Variants in ROBO1 observed in about 807,000 individuals in gnomAD.
ROBO1 encodes the protein roundabout homolog 1.
Under a neutral mutation model 195.9 loss-of-function variants are expected in ROBO1, and 149 were observed. The ratio of observed to expected loss-of-function variants is 0.76; its 90% CI spans 0.67 to 0.87. ROBO1 has a LOEUF of 0.87. Ranked by LOEUF, ROBO1 falls within the 40% of genes least tolerant of loss-of-function variation. The pLI, the probability that ROBO1 is intolerant of heterozygous loss-of-function variation, is 0.00. For missense variants in ROBO1, 1,933 were observed against 2,068.3 expected (o/e 0.93, Z 1.27); for synonymous variants, 816 against 733.2 (o/e 1.11, Z -1.82).
intron 2 of ROBO1, among the ~76,000 whole-genome samples, chr3:79,294,482 A>C (rs564831548): frequency 6.6e-6 from 1 of 152,354 alleles, no homozygotes; most frequent in Non-Finnish European, 1.5e-5. Context: ...GTAAGACCTA[A>C]AATCATAAAA....
intron 3 of ROBO1, among the ~76,000 whole-genome samples, chr3:79,114,407 T>C: frequency 6.6e-6 from 1 of 152,226 alleles, no homozygotes; most frequent in East Asian, 1.9e-4. Flanking sequence ...TTGCTTTCGC[T>C]TTGCAGATAT....
intron 2 of ROBO1, among the ~76,000 whole-genome samples, chr3:79,479,539 G>T (rs969638100): frequency 1.3e-5 from 2 of 152,090 alleles, no homozygotes; most frequent in Non-Finnish European, 2.9e-5. Flanking sequence ...TCTACAATAG[G>T]AGCGACGCAT....
chr3:79,336,253 C>T (rs1168513277), intron 2 of ROBO1, among the ~76,000 whole-genome samples: 1 of 152,212 alleles, frequency 6.6e-6, no homozygotes, highest in African/African-American at 2.4e-5. Flanking sequence ...ATCTCCAGGG[C>T]ATGTCAGAGA....
chr3:79,269,734 C>A (rs1330161404), intron 2 of ROBO1, among the ~76,000 whole-genome samples: 1 of 151,670 alleles, frequency 6.6e-6, no homozygotes, highest in African/African-American at 2.4e-5. Context: ...TGAGACTGTT[C>A]TTCCCTCAAA....
chr3:79,539,195 A>G (rs1388524033), intron 2 of ROBO1, among the ~76,000 whole-genome samples: 1 of 152,172 alleles, frequency 6.6e-6, no homozygotes, highest in African/African-American at 2.4e-5. Context: ...TATTCATGCA[A>G]TCTGTTCAAA....
At chr3:78,982,041 G>T (rs2107992490) in intron 3 of ROBO1, among the ~76,000 whole-genome samples, 1 of 152,188 alleles carries the variant, frequency 6.6e-6, no homozygotes, top group Non-Finnish European at 1.5e-5. Flanking sequence ...GAGGTTACCT[G>T]GGAGACATTA....
chr3:78,942,492 G>T (rs935832672), intron 3 of ROBO1, among the ~76,000 whole-genome samples: 1 of 152,072 alleles, frequency 6.6e-6, no homozygotes, highest in Admixed American at 6.6e-5. Context: ...CATGTTTCTT[G>T]TCTCTGTAAT....
chr3:79,237,550 A>G (rs960385754), intron 2 of ROBO1, among the ~76,000 whole-genome samples: 44 of 152,148 alleles, frequency 2.9e-4, no homozygotes, highest in Admixed American at 2.9e-3. Flanking sequence ...AAGCATTGAA[A>G]ATCAAAATAC....
intron 2 of ROBO1, among the ~76,000 whole-genome samples, chr3:79,222,669 C>T (rs2082160875): frequency 2.0e-5 from 3 of 150,812 alleles, no homozygotes; most frequent in Admixed American, 1.3e-4. Context: ...TTATTATCAA[C>T]ATAATCCCTA....
chr3:78,678,621 C>T (rs537951730), intron 10 of ROBO1, among the ~76,000 whole-genome samples: 214 of 152,162 alleles, frequency 1.4e-3, no homozygotes, highest in Non-Finnish European at 2.3e-3. Context: ...CAAGACTAAA[C>T]CAGGAAGAAG....
intron 5 of ROBO1, among the ~76,000 whole-genome samples, chr3:78,744,567 T>C (rs2082610849): frequency 6.6e-6 from 1 of 152,216 alleles, no homozygotes; most frequent in Admixed American, 6.5e-5. Flanking sequence ...CTTTACTCAT[T>C]CTGTTCAACC....
At chr3:78,607,835 T>G (rs1206420826) in intron 28 of ROBO1, among the ~76,000 whole-genome samples, 1 of 152,182 alleles carries the variant, frequency 6.6e-6, no homozygotes, top group East Asian at 1.9e-4. Context: ...CTTAAGCTAC[T>G]GTGTCATCTC....
chr3:79,560,305 T>C (rs1291588666), intron 2 of ROBO1, among the ~76,000 whole-genome samples: 1 of 139,406 alleles, frequency 7.2e-6, no homozygotes, highest in Non-Finnish European at 1.5e-5. Context: ...ACACCGCATA[T>C]TCTCACTCAC....
intron 3 of ROBO1, among the ~76,000 whole-genome samples, chr3:79,036,727 A>T (rs1366338044): frequency 2.0e-5 from 3 of 152,194 alleles, no homozygotes; most frequent in Non-Finnish European, 4.4e-5. Flanking sequence ...TGTGTGCCTC[A>T]AATTCGATAT....
chr3:79,710,969 T>C (rs1277109403), intron 1 of ROBO1, among the ~76,000 whole-genome samples: 1 of 152,158 alleles, frequency 6.6e-6, no homozygotes, highest in African/African-American at 2.4e-5. Context: ...GTAGAGCACC[T>C]GGTAATGAGT....
intron 1 of ROBO1, among the ~76,000 whole-genome samples, chr3:79,683,198 G>A (rs1277541695): frequency 6.6e-6 from 1 of 151,930 alleles, no homozygotes; most frequent in African/African-American, 2.4e-5. Flanking sequence ...AATTTAAAGT[G>A]AATTTTGTTT....
chr3:78,634,447 C>G, intron 23 of ROBO1: 1 of 283,426 alleles, frequency 3.5e-6, no homozygotes, highest in Non-Finnish European at 7.7e-6. Context: ...GGTGAAAATC[C>G]AAATGATAAG....
At chr3:79,659,646 C>A (rs910040658) in intron 1 of ROBO1, among the ~76,000 whole-genome samples, 3 of 151,848 alleles carry the variant, frequency 2.0e-5, no homozygotes, top group Non-Finnish European at 4.4e-5. Flanking sequence ...GTTTTATAGA[C>A]CTCACAGAAA....
intron 8 of ROBO1, among the ~76,000 whole-genome samples, chr3:78,699,422 A>C (rs2081371653): frequency 7.5e-6 from 1 of 132,458 alleles, no homozygotes; most frequent in Admixed American, 7.9e-5. Flanking sequence ...AAAAAAAATT[A>C]GCCAGGCATG....
Sources: gnomAD v4.1 joint callset for allele counts (sites outside exome capture counted in the v4.1 genomes callset) on GRCh38, gnomAD v4.1.1 for gene constraint, MANE v1.5 for transcripts, NCBI Gene and HGNC (gene_info 2026-07-23, HGNC 2026-07-21) for gene names.